MGAT5: variants seen among roughly 807,000 people sequenced by gnomAD.
MGAT5 encodes alpha-1,6-mannosylglycoprotein 6-beta-N-acetylglucosaminyltransferase A.
A neutral mutation model predicts 94.3 loss-of-function variants in MGAT5; 30 were observed. That is an observed-to-expected ratio of 0.32 (90% CI 0.24 to 0.43). MGAT5 has a LOEUF of 0.43. Ranked by LOEUF, MGAT5 falls within the 20% of genes least tolerant of loss-of-function variation. The pLI, the probability that MGAT5 is intolerant of heterozygous loss-of-function variation, is 1.00. For synonymous variants in MGAT5, 310 were observed against 322.9 expected, an observed-to-expected ratio of 0.96 and a Z score of 0.43; for missense variants, 691 against 905.5, an observed-to-expected ratio of 0.76 and a Z score of 3.04.
At chr2:134,400,156 C>A (rs1428621871) in intron 10 of MGAT5, among the ~76,000 whole-genome samples, 3 of 152,128 alleles carry the variant, frequency 2.0e-5, no homozygotes, top group Non-Finnish European at 4.4e-5. Flanking sequence ...ACCACAGGTG[C>A]AAAACTGGTG....
At chr2:134,152,385 G>A (rs1430993401) in intron 1 of MGAT5, among the ~76,000 whole-genome samples, 33 of 133,736 alleles carry the variant, frequency 2.5e-4, no homozygotes, top group African/African-American at 9.3e-4. Context: ...CCACCGCCAT[G>A]GGACCTCACT....
chr2:134,159,934 T>C (rs1454980071), intron 1 of MGAT5, among the ~76,000 whole-genome samples: 1 of 152,146 alleles, frequency 6.6e-6, no homozygotes, highest in Non-Finnish European at 1.5e-5. Context: ...GATTCTAACA[T>C]CCTTTTCCCA....
At chr2:134,337,805 A>G (rs1049412915) in intron 5 of MGAT5, among the ~76,000 whole-genome samples, 8 of 152,130 alleles carry the variant, frequency 5.3e-5, no homozygotes, top group East Asian at 1.9e-4. Context: ...TTATTTCCCT[A>G]TTTAACTCTG....
chr2:134,369,442 T>C (rs549976863), intron 10 of MGAT5, among the ~76,000 whole-genome samples: 2 of 152,290 alleles, frequency 1.3e-5, no homozygotes, highest in East Asian at 3.9e-4. Flanking sequence ...TCTGCTGTCA[T>C]ATGATTGGGA....
chr2:134,318,765 G>T, intron 4 of MGAT5, 26 bp downstream of exon 4: 1 of 1,515,484 alleles, frequency 6.6e-7, no homozygotes, highest in Admixed American at 1.7e-5. Context: ...TGGCTCCTGG[G>T]GGTAGATGTG....
intron 1 of MGAT5, among the ~76,000 whole-genome samples, chr2:134,180,358 G>T (rs1309945509): frequency 6.6e-6 from 1 of 152,304 alleles, no homozygotes; most frequent in East Asian, 1.9e-4. Flanking sequence ...GGATGCTGCT[G>T]GAACCAACTC....
chr2:134,183,340 A>G (rs1413037438), intron 1 of MGAT5, among the ~76,000 whole-genome samples: 1 of 152,180 alleles, frequency 6.6e-6, no homozygotes, highest in East Asian at 1.9e-4. Flanking sequence ...ATTTGGAAGG[A>G]AGATAATATA....
chr2:134,233,418 T>C (rs1311267707), intron 1 of MGAT5, among the ~76,000 whole-genome samples: 3 of 152,236 alleles, frequency 2.0e-5, no homozygotes, highest in Middle Eastern at 3.2e-3. Flanking sequence ...TCATCAAAAC[T>C]GATGGACAAG....
At chr2:134,327,617 A>G (rs1687715753) in intron 4 of MGAT5, among the ~76,000 whole-genome samples, 1 of 152,132 alleles carries the variant, frequency 6.6e-6, no homozygotes, top group Non-Finnish European at 1.5e-5. Context: ...TGCGCAATTT[A>G]AAACTTTTGA....
At chr2:134,329,559 A>G (rs1401379654) in intron 4 of MGAT5, among the ~76,000 whole-genome samples, 2 of 152,130 alleles carry the variant, frequency 1.3e-5, no homozygotes, top group Non-Finnish European at 2.9e-5. Flanking sequence ...AGTTTAGCCA[A>G]TGTGCTTCAA....
intron 1 of MGAT5, among the ~76,000 whole-genome samples, chr2:134,256,445 A>G (rs1682967832): frequency 6.6e-6 from 1 of 152,214 alleles, no homozygotes; most frequent in African/African-American, 2.4e-5. Flanking sequence ...TCAGTCTGTC[A>G]AACCTTTTCC....
At position 134,268,430 on chromosome 2, in the gene MGAT5, A is replaced by T. The variant is rs2105619580; in HGVS notation, c.242-1956A>T. On this transcript the variant is annotated intron_variant, in intron 1 of 15. Coordinates refer to ENST00000281923, the MANE Select transcript of MGAT5 (RefSeq NM_002410.5). The surrounding 1 kb of genome is among the most constrained non-coding windows in gnomAD (Gnocchi z 4.1). ...GTGACTGGCCTCTGGCACTCTTCAG[A>T]ACTCTGGAGAGCCAGTTGATGCATT... 6.6e-6 allele frequency among the ~76,000 whole-genome samples: 1 copy of T among 152,270 alleles called. No individual in the cohort carries two copies. The highest frequency in any genetic ancestry group is 2.1e-4 in the South Asian group (1 of 4,820).
intron 4 of MGAT5, among the ~76,000 whole-genome samples, chr2:134,326,687 G>A (rs772196081): frequency 1.3e-5 from 2 of 152,074 alleles, no homozygotes; most frequent in African/African-American, 2.4e-5. Flanking sequence ...AGGAGAGATA[G>A]CTAGCAACAT....
chr2:134,177,663 A>T (rs956335445), intron 1 of MGAT5, among the ~76,000 whole-genome samples: 1 of 152,192 alleles, frequency 6.6e-6, no homozygotes, highest in Non-Finnish European at 1.5e-5. Context: ...CCTGGGCATG[A>T]TGATGGTCAG....
At chr2:134,179,419 C>T (rs758341243) in intron 1 of MGAT5, among the ~76,000 whole-genome samples, 6 of 152,190 alleles carry the variant, frequency 3.9e-5, no homozygotes, top group African/African-American at 9.7e-5. Flanking sequence ...ATGCATTGAT[C>T]AGTTGGTGAA....
At chr2:134,329,715 G>A (rs1558795705) in intron 4 of MGAT5, among the ~76,000 whole-genome samples, 1 of 152,194 alleles carries the variant, frequency 6.6e-6, no homozygotes, top group African/African-American at 2.4e-5. Context: ...GAGATGACCT[G>A]TGTAAAGGGC....
intron 1 of MGAT5, among the ~76,000 whole-genome samples, chr2:134,152,290 T>A (rs1687249768): frequency 7.6e-6 from 1 of 131,030 alleles, no homozygotes; most frequent in Non-Finnish European, 1.6e-5. Flanking sequence ...GGGACCTGCT[T>A]ACCACCATGG....
chr2:134,434,145 C>T (rs1196389587), intron 14 of MGAT5, among the ~76,000 whole-genome samples: 1 of 152,330 alleles, frequency 6.6e-6, no homozygotes, highest in African/African-American at 2.4e-5. Flanking sequence ...CGTGAACAAG[C>T]CAGTCCCGCT....
intron 1 of MGAT5, among the ~76,000 whole-genome samples, chr2:134,264,978 C>T (rs181857534): frequency 1.1e-4 from 16 of 152,320 alleles, no homozygotes; most frequent in Non-Finnish European, 1.5e-4. Context: ...TCATGGCGGC[C>T]GTACCTTCAC....
Sources: gnomAD v4.1 joint callset for allele counts (sites outside exome capture counted in the v4.1 genomes callset) on GRCh38, gnomAD v4.1.1 for gene constraint, Gnocchi (gnomAD v3.1) non-coding constraint, MANE v1.5 for transcripts, NCBI Gene and HGNC (gene_info 2026-07-23, HGNC 2026-07-21) for gene names.